Variants in DTWD2 observed in about 807,000 individuals in gnomAD.
DTWD2 encodes the protein DTW motif tRNA-uridine aminocarboxypropyltransferase 2.
DTWD2 carries 39 observed loss-of-function variants against 31.8 expected under a neutral mutation model. The observed-to-expected ratio is 1.22, with a 90% CI of 0.95 to 1.60. The LOEUF is 1.60. Among genes scored for constraint, DTWD2 ranks in the 40% most tolerant of loss-of-function variants. The pLI is 0.00. For synonymous variants in DTWD2, 180 were observed against 142.8 expected, an observed-to-expected ratio of 1.26 and a Z score of -1.86; for missense variants, 515 against 381.5, an observed-to-expected ratio of 1.35 and a Z score of -2.92.
intron 4 of DTWD2, among the ~76,000 whole-genome samples, chr5:118,918,402 T>C (rs752493950): frequency 6.6e-5 from 10 of 151,382 alleles, no homozygotes; most frequent in Non-Finnish European, 1.3e-4. Context: ...TCTCGGCTCA[T>C]TGCAAGCTCC....
chr5:118,914,311 A>G (rs1407190922), intron 4 of DTWD2, among the ~76,000 whole-genome samples: 1 of 152,140 alleles, frequency 6.6e-6, no homozygotes, highest in Non-Finnish European at 1.5e-5. Flanking sequence ...CTGTCCTTCC[A>G]CCTTTCACCA....
At chr5:118,852,777 G>A (rs754847320) in intron 4 of DTWD2, among the ~76,000 whole-genome samples, 5 of 152,050 alleles carry the variant, frequency 3.3e-5, no homozygotes, top group African/African-American at 4.8e-5. Flanking sequence ...ACAGGTACTT[G>A]TATGTTGACT....
chr5:118,942,583 G>A (rs956341525), intron 2 of DTWD2, among the ~76,000 whole-genome samples: 1 of 151,826 alleles, frequency 6.6e-6, no homozygotes, highest in Non-Finnish European at 1.5e-5. Flanking sequence ...GCTGAGGCAG[G>A]AGGATCACTC....
At chr5:118,953,763 G>A (rs1393211071) in intron 1 of DTWD2, among the ~76,000 whole-genome samples, 18 of 152,202 alleles carry the variant, frequency 1.2e-4, no homozygotes, top group Non-Finnish European at 4.4e-5. Context: ...CCACAAGGAT[G>A]CCAGCAGAAA....
chr5:118,914,254 C>A (rs1753524756), intron 4 of DTWD2, among the ~76,000 whole-genome samples: 2 of 152,144 alleles, frequency 1.3e-5, no homozygotes, highest in Admixed American at 1.3e-4. Flanking sequence ...TTAATACCAT[C>A]ATTATTAAAA....
At chr5:118,977,584 G>A (rs1561480070) in intron 1 of DTWD2, among the ~76,000 whole-genome samples, 3 of 152,002 alleles carry the variant, frequency 2.0e-5, no homozygotes, top group Admixed American at 1.3e-4. Context: ...ACTCCCATTC[G>A]CAATTGCTAC....
intron 1 of DTWD2, among the ~76,000 whole-genome samples, chr5:118,978,116 T>C (rs1219962458): frequency 6.8e-5 from 1 of 14,682 alleles, no homozygotes; most frequent in Non-Finnish European, 1.3e-4. Flanking sequence ...GATTCCCTGC[T>C]TTTTTTTTTT....
Position 118,941,755 on chromosome 5 carries a change from C to T in DTWD2, c.310-2465G>A, listed in dbSNP as rs538855137. Among the ~76,000 whole-genome samples, 4 of 152,376 alleles carry T rather than the reference C, an allele frequency of 2.6e-5. No individual in the cohort carries two copies. In the South Asian group the frequency reaches 6.2e-4, roughly 24 times the overall value. On this transcript the variant is annotated intron_variant, in intron 2 of 5. Coordinates refer to ENST00000510708, the MANE Select transcript of DTWD2 (RefSeq NM_173666.4). ...TCTAGATCCCTGAGGAATCGCCACA[C>T]AGACTTCCACAATGGTTGAACTAGT...
intron 4 of DTWD2, among the ~76,000 whole-genome samples, chr5:118,903,199 C>CA (rs1753255509): frequency 6.7e-6 from 1 of 149,188 alleles, no homozygotes; most frequent in African/African-American, 2.5e-5. Context: ...GACAATATTG[C>CA]CTACAAGGTT....
chr5:118,845,121 T>G (rs1297033193), intron 5 of DTWD2, among the ~76,000 whole-genome samples: 1 of 151,580 alleles, frequency 6.6e-6, no homozygotes, highest in Non-Finnish European at 1.5e-5. Context: ...CACTCCAGCC[T>G]GGGTGACAGA....
intron 4 of DTWD2, among the ~76,000 whole-genome samples, chr5:118,924,610 G>A (rs1284385421): frequency 6.6e-6 from 1 of 152,150 alleles, no homozygotes; most frequent in Non-Finnish European, 1.5e-5. Flanking sequence ...TACTAAAAAT[G>A]TGAACAGGCA....
intron 4 of DTWD2, among the ~76,000 whole-genome samples, chr5:118,911,563 A>C (rs1264805260): frequency 6.6e-6 from 1 of 152,210 alleles, no homozygotes; most frequent in African/African-American, 2.4e-5. Flanking sequence ...TCCCATGTTC[A>C]CAGTAGCATT....
intron 4 of DTWD2, among the ~76,000 whole-genome samples, chr5:118,881,873 G>T (rs1201865802): frequency 6.6e-6 from 1 of 152,154 alleles, no homozygotes; most frequent in Non-Finnish European, 1.5e-5. Flanking sequence ...TTTGACATAA[G>T]ATTTGGGTGG....
chr5:118,928,680 A>G lies in DTWD2; in HGVS notation c.454T>C (p.Tyr152His), dbSNP rs768419718. The change falls in exon 4 of 6, where the codon TAT (tyrosine) becomes CAT (histidine). Residue 152 changes from tyrosine (Y) to histidine (H), a missense_variant. Transcript: ENST00000510708. The part of the protein sequence containing the change: ...VCRKSGTLIL[Y>H]PGAEAANLEE... The stretch of plus-strand genomic sequence containing the variant: ...AAATTAGCAGCTTCAGCCCCTGGAT[A>G]TAATATTAATGTACCAGACTTCCGG... 6.9e-6 allele frequency: 11 copies of G among 1,592,178 alleles called. No individual in the cohort carries two copies. The highest frequency in any genetic ancestry group is 1.3e-5 in the African/African-American group (1 of 74,390).
chr5:118,903,015 T>C (rs143346431), intron 4 of DTWD2, among the ~76,000 whole-genome samples: 36 of 152,202 alleles, frequency 2.4e-4, no homozygotes, highest in Admixed American at 2.4e-3. Context: ...TTAGTACTAA[T>C]AAATTTCTAT....
At chr5:118,851,430 G>C (rs934373444) in intron 4 of DTWD2, among the ~76,000 whole-genome samples, 2 of 151,896 alleles carry the variant, frequency 1.3e-5, no homozygotes, top group African/African-American at 4.8e-5. Flanking sequence ...AAACCAGCAA[G>C]TTTTATTAAG....
chr5:118,891,726 C>A (rs1210497153), intron 4 of DTWD2, among the ~76,000 whole-genome samples: 1 of 152,136 alleles, frequency 6.6e-6, no homozygotes, highest in Non-Finnish European at 1.5e-5. Context: ...CTATAAGATA[C>A]ACTGAATGAC....
In DTWD2 at chr5:118,928,705, G is replaced by A; in HGVS notation, c.429C>T (p.Cys143=). 1.9e-6 allele frequency: 3 copies of A among 1,569,164 alleles called. No individual in the cohort carries two copies. Among genetic ancestry groups the A allele is most frequent in the African/African-American group, 1.4e-5 (1 of 73,472 alleles). The change falls in exon 4 of 6, where the codon TGC becomes TGT. Residue 143 remains cysteine, a synonymous_variant. Transcript: ENST00000510708. The part of the protein sequence containing the change: ...EERDPELSTV[C]RKSGTLILYP... ...ATAATATTAATGTACCAGACTTCCG[G>A]CAAACAGTTGAAAGTTCAGGATCTC...
intron 3 of DTWD2, among the ~76,000 whole-genome samples, chr5:118,935,648 C>A (rs1754026369): frequency 6.6e-6 from 1 of 152,004 alleles, no homozygotes; most frequent in African/African-American, 2.4e-5. Flanking sequence ...GTTTTTCCAA[C>A]AACACATAAT....
Sources: gnomAD v4.1 joint callset for allele counts (sites outside exome capture counted in the v4.1 genomes callset) on GRCh38, gnomAD v4.1.1 for gene constraint, MANE v1.5 for transcripts, NCBI Gene and HGNC (gene_info 2026-07-23, HGNC 2026-07-21) for gene names.